Variants in PCLO observed in about 807,000 individuals in gnomAD.
PCLO encodes piccolo presynaptic cytomatrix protein.
A neutral mutation model predicts 427.5 loss-of-function variants in PCLO; 82 were observed. The observed-to-expected ratio is 0.19, with a 90% CI of 0.16 to 0.23. The LOEUF (loss-of-function observed/expected upper bound fraction) is 0.23. Ranked by LOEUF, PCLO falls within the 10% of genes least tolerant of loss-of-function variation. The probability of loss-of-function intolerance (pLI) is 1.00; values close to 1 mark genes in which losing one functional copy is unlikely to be tolerated. For synonymous variants in PCLO, 2,357 were observed against 2,155.4 expected (o/e 1.09, Z -2.59); for missense variants, 6,239 against 6,115.9 (o/e 1.02, Z -0.67).
chr7:82,940,527 T>C (rs760505487), intron 6 of PCLO, among the ~76,000 whole-genome samples: 10 of 152,142 alleles, frequency 6.6e-5, no homozygotes, highest in Non-Finnish European at 1.5e-4. Context: ...CACACATTTA[T>C]ATTTAATCAT....
chr7:83,063,196 G>T (rs10231866), intron 3 of PCLO, among the ~76,000 whole-genome samples: 3,709 of 152,118 alleles, frequency 0.024, 155 homozygotes, highest in African/African-American at 0.085. Flanking sequence ...TACTAAGTTA[G>T]ATCCAGGTAT....
chr7:82,856,299 T>C (rs1421783893), intron 10 of PCLO, among the ~76,000 whole-genome samples: 1 of 152,200 alleles, frequency 6.6e-6, no homozygotes, highest in African/African-American at 2.4e-5. Context: ...TGCAAAGATA[T>C]GCTTTTTAAA....
Position 82,822,678 on chromosome 7 carries a change from G to A in PCLO, c.14608C>T (p.Pro4870Ser). The A allele has an allele frequency of 6.2e-7, 1 of 1,612,916 alleles. No homozygotes were observed. Among genetic ancestry groups the A allele is most frequent in the Non-Finnish European group, 8.5e-7 (1 of 1,179,634 alleles). ...FPDPSKDMQV[P>S]TIEKSHSSPG... ...CTACTATGGGATTTCTCAATGGTGG[G>A]AACCTGCATGTCTGGTCACAAAAGG... Residue 4870 changes from proline to serine, a missense_variant, in exon 20 of 25, where the codon CCC becomes TCC. Pro to Ser is a moderately conservative substitution (Grantham distance 74, BLOSUM62 -1). Transcript: ENST00000333891.
chr7:82,992,150 C>T (rs1017439754), intron 3 of PCLO, among the ~76,000 whole-genome samples: 1 of 152,068 alleles, frequency 6.6e-6, no homozygotes, highest in African/African-American at 2.4e-5. Context: ...GCCTGAGTGA[C>T]TAACAATGGT....
intron 3 of PCLO, among the ~76,000 whole-genome samples, chr7:83,093,471 T>TA: frequency 2.0e-5 from 2 of 100,014 alleles, no homozygotes; most frequent in African/African-American, 1.0e-4. Context: ...TATGTGTGTG[T>TA]GTATAGATAT....
chr7:83,156,403 T>TAAAAA lies in PCLO; in HGVS notation c.249-16_249-12dup. ...TCCAACTCTTGTTTCCTAGAAGAGT[T>TAAAAA]AAAAAAAAAAAAAAAAATCAAGTGA... On this transcript the variant is annotated splice_polypyrimidine_tract_variant and intron_variant, in intron 1 of 24. Transcript: ENST00000333891. 1 of 1,062,314 alleles carries TAAAAA rather than the reference T, an allele frequency of 9.4e-7. No homozygotes were observed. Among genetic ancestry groups the TAAAAA allele is most frequent in the Non-Finnish European group, 1.3e-6 (1 of 790,856 alleles). 65.8% of individuals were successfully genotyped at this position (1,062,314 alleles called of 1,614,324 possible). A position where few individuals can be genotyped will look rare whatever the true frequency, so the allele number is the denominator to read the frequency against.
At chr7:83,162,223 G>C in intron 1 of PCLO, 122 bp downstream of exon 1, 1 of 1,182,034 alleles carries the variant, frequency 8.5e-7, no homozygotes, top group Non-Finnish European at 1.2e-6. Flanking sequence ...CACCCCACTG[G>C]GGAGAATAAA....
chr7:82,792,744 A>AT (rs1223384361), intron 22 of PCLO, among the ~76,000 whole-genome samples: 2 of 152,106 alleles, frequency 1.3e-5, no homozygotes, highest in Admixed American at 6.5e-5. Flanking sequence ...ACTGCCAATT[A>AT]TTTTTTTTAA....
At chr7:82,802,289 A>C (rs1448177588) in intron 21 of PCLO, among the ~76,000 whole-genome samples, 1 of 152,128 alleles carries the variant, frequency 6.6e-6, no homozygotes, top group African/African-American at 2.4e-5. Context: ...ATGCGTGAAA[A>C]GGGTTAACAG....
intron 7 of PCLO, among the ~76,000 whole-genome samples, chr7:82,911,361 T>TA (rs1167063839): frequency 1.3e-5 from 2 of 152,106 alleles, no homozygotes; most frequent in Non-Finnish European, 2.9e-5. Flanking sequence ...TCTTTCATGG[T>TA]AAAATCTCAG....
chr7:83,161,872 G>A (rs964691000), intron 1 of PCLO, among the ~76,000 whole-genome samples: 3 of 152,124 alleles, frequency 2.0e-5, no homozygotes, highest in African/African-American at 7.2e-5. Context: ...TGGCAAGAGA[G>A]GACAAATCAC....
Position 82,847,094 on chromosome 7 carries a change from A to G in PCLO, c.13763+45T>C, listed in dbSNP as rs1792523247. On this transcript the variant is annotated intron_variant, in intron 11 of 24. Coordinates refer to ENST00000333891, the MANE Select transcript of PCLO (RefSeq NM_033026.6). ...TTAACAATTTTAAATTAAAAGAGTC[A>G]TGGATAGCCAAAAAATGGAAACAGA... 7.6e-6 allele frequency: 8 copies of G among 1,052,112 alleles called. No individual in the cohort carries two copies. In the East Asian group the frequency reaches 1.9e-4, roughly 26 times the overall value. 65.2% of individuals were successfully genotyped at this position (1,052,112 alleles called of 1,614,324 possible). A position where few individuals can be genotyped will look rare whatever the true frequency, so the allele number is the denominator to read the frequency against.
chr7:82,841,968 C>G (rs1348017550), intron 13 of PCLO, among the ~76,000 whole-genome samples: 6 of 152,062 alleles, frequency 3.9e-5, no homozygotes, highest in Non-Finnish European at 1.5e-5. Flanking sequence ...TGCTCCCTTC[C>G]AGAGTGAATC....
intron 3 of PCLO, among the ~76,000 whole-genome samples, chr7:83,024,088 G>A (rs1413077071): frequency 6.6e-6 from 1 of 152,142 alleles, no homozygotes; most frequent in Admixed American, 6.5e-5. Context: ...AAAAGGCTCA[G>A]CTCACTCAAG....
At chr7:83,122,021 T>C (rs968753137) in intron 3 of PCLO, among the ~76,000 whole-genome samples, 49 of 152,320 alleles carry the variant, frequency 3.2e-4, no homozygotes, top group Non-Finnish European at 3.5e-4. Context: ...AGTCAATTAA[T>C]GTGATACATC....
At chr7:82,851,381 A>G (rs1270018886) in intron 10 of PCLO, among the ~76,000 whole-genome samples, 1 of 151,956 alleles carries the variant, frequency 6.6e-6, no homozygotes, top group Non-Finnish European at 1.5e-5. Context: ...CCAAGTTAAA[A>G]ACAAGTGAGA....
chr7:82,762,703 C>CA (rs1319292343), intron 22 of PCLO, among the ~76,000 whole-genome samples: 6 of 151,182 alleles, frequency 4.0e-5, no homozygotes, highest in Admixed American at 6.6e-5. Flanking sequence ...TTTTCCAAAC[C>CA]AAAAAAAATA....
At chr7:82,794,497 A>G (rs1397528413) in intron 22 of PCLO, among the ~76,000 whole-genome samples, 3 of 21,442 alleles carry the variant, frequency 1.4e-4, no homozygotes, top group East Asian at 2.0e-3. Flanking sequence ...TTTGAGACAC[A>G]GTCTTGCTTT....
chr7:82,976,047 G>T lies in PCLO; in HGVS notation c.3301-9560C>A, dbSNP rs192410664. Among the ~76,000 whole-genome samples, 6 of 152,260 alleles carry T rather than the reference G, an allele frequency of 3.9e-5. No homozygotes were observed. In the East Asian group the frequency reaches 1.2e-3, roughly 29 times the overall value. On this transcript the variant is annotated intron_variant, in intron 3 of 24. Transcript: ENST00000333891. Reference sequence around the variant, plus strand: ...AACTGTCTAATACAGTTTATCACAGGAAATATTTTGTATGGGATTTGGCAG... The same window carrying T: ...AACTGTCTAATACAGTTTATCACAGTAAATATTTTGTATGGGATTTGGCAG...
Sources: allele counts gnomAD v4.1 joint callset (sites outside exome capture counted in the v4.1 genomes callset), GRCh38; gene constraint gnomAD v4.1.1; transcripts MANE v1.5; gene names NCBI Gene and HGNC (gene_info 2026-07-23, HGNC 2026-07-21).